The following CARMIL3 variants were observed in gnomAD, a reference collection of about 807,000 sequenced individuals.
The protein encoded by CARMIL3 is capping protein regulator and myosin 1 linker 3.
A neutral mutation model predicts 180.8 loss-of-function variants in CARMIL3; 88 were observed. That is an observed-to-expected ratio of 0.49 (90% CI 0.41 to 0.58). The LOEUF (loss-of-function observed/expected upper bound fraction) is 0.58. Among genes scored for constraint, CARMIL3 ranks in the 20% least tolerant of loss-of-function variants. The pLI is 0.00. For missense variants in CARMIL3, 1,548 were observed against 1,787.0 expected (o/e 0.87, Z 2.41); for synonymous variants, 696 against 714.5 (o/e 0.97, Z 0.41).
In CARMIL3 at chr14:24,063,493, G is replaced by T; in HGVS notation, c.2939G>T (p.Arg980Leu). Residue 980 changes from arginine (R) to leucine (L), a missense_variant, in exon 31 of 40, where the codon CGC (arginine) becomes CTC (leucine). Physicochemically the swap from Arg to Leu is moderately radical, Grantham distance 102. This residue lies in a region of CARMIL3 where 668 missense variants were observed against 687.8 expected (regional missense o/e 0.97). Coordinates refer to ENST00000342740, the MANE Select transcript of CARMIL3 (RefSeq NM_138360.4). ...AGGCATCAAACACAAGGGAGGCCCC[G>T]CCCCCCCAGGACCACACCTCCAGGA... ...KLRHQTQGRP[R>L]PPRTTPPGPG... The T allele has an allele frequency of 6.2e-7, 1 of 1,613,136 alleles. No individual in the cohort carries two copies. The highest frequency in any genetic ancestry group is 8.5e-7 in the Non-Finnish European group (1 of 1,179,896).
chr14:24,060,102 G>A (rs1181329005), intron 23 of CARMIL3, 39 bp downstream of exon 23: 4 of 1,613,736 alleles, frequency 2.5e-6, no homozygotes, highest in African/African-American at 1.3e-5. Flanking sequence ...CACAGCAAGG[G>A]GCAGGGGGCA....
At chr14:24,065,970 G>A (rs2035783178) in intron 34 of CARMIL3, among the ~76,000 whole-genome samples, 1 of 151,850 alleles carries the variant, frequency 6.6e-6, no homozygotes, top group South Asian at 2.1e-4. Context: ...TAAAATGAGG[G>A]GTTATAAAAA....
At chr14:24,056,476 C>T in intron 11 of CARMIL3, 83 bp downstream of exon 11, 1 of 1,491,866 alleles carries the variant, frequency 6.7e-7, no homozygotes, top group Non-Finnish European at 9.3e-7. Flanking sequence ...TGAACAGCAG[C>T]TCTCCAGCCT....
In CARMIL3 at chr14:24,069,518, C is replaced by T. The variant is rs75871902; in HGVS notation, c.*114C>T. 74,021 of 1,400,328 alleles carry T rather than the reference C, an allele frequency of 0.053. 2,840 individuals carry two copies. Among genetic ancestry groups the T allele is most frequent in the African/African-American group, 0.2 (13,907 of 69,974 alleles). The allele number at this position is 1,400,328 out of a possible 1,614,324, so 86.7% of individuals were successfully genotyped here. ...CAGCCCCTGTCCTACAGGGGCAAGACGGCAGGACCAGGCATGGGGGAGCTG... is the reference window on the plus strand; with the variant it reads ...CAGCCCCTGTCCTACAGGGGCAAGATGGCAGGACCAGGCATGGGGGAGCTG... On this transcript the variant is annotated 3_prime_UTR_variant, in exon 40 of 40. Transcript: ENST00000342740.
Position 24,065,204 on chromosome 14 carries a change from C to T in CARMIL3, c.3327C>T (p.Ser1109=). ...SLGNNSSPCW[S]PEEESSLLPG... is the part of the protein sequence containing the mutation. ...GCAATAACTCCTCTCCCTGCTGGAG[C>T]CCAGAGGAGGAGAGCAGCCTCCTCC... is the stretch of plus-strand genomic sequence containing the variant. The change falls in exon 33 of 40, where the codon AGC becomes AGT. Residue 1109 remains serine (S), a synonymous_variant. Transcript: ENST00000342740. 2 of 1,500,144 alleles carry T rather than the reference C, an allele frequency of 1.3e-6. No individual in the cohort carries two copies. The highest frequency in any genetic ancestry group is 1.3e-5 in the South Asian group (1 of 78,886). The allele number at this position is 1,500,144 out of a possible 1,614,324, so 92.9% of individuals were successfully genotyped here. A position where few individuals can be genotyped will look rare whatever the true frequency, so the allele number is the denominator to read the frequency against.
At chr14:24,053,995 C>A in intron 2 of CARMIL3, 93 bp from the exon 3 acceptor site, 1 of 1,427,472 alleles carries the variant, frequency 7.0e-7, no homozygotes. Context: ...GTTGGGGAGA[C>A]ACTCCAAGAG....
rs963367887 is a variant in CARMIL3, at chr14:24,054,718, A to G, written c.370A>G (p.Ile124Val). The change falls in exon 6 of 40, where the codon ATC (isoleucine) becomes GTC (valine). Residue 124 changes from isoleucine to valine, a missense_variant. This residue lies in a region of CARMIL3 where 578 missense variants were observed against 666.5 expected (regional missense o/e 0.87). Transcript: ENST00000342740. The surrounding 1 kb of genome is among the most constrained non-coding windows in gnomAD (Gnocchi z 5.1). ...SKVCPGPGCLIRRGNADTPEG... is the reference protein window; with the variant it reads ...SKVCPGPGCLVRRGNADTPEG... ...GACTTGTTTCTTTTCCAGGTGTTTG[A>G]TCCGGCGTGGAAACGCAGACACCCC... 8.1e-6 allele frequency: 13 copies of G among 1,613,538 alleles called. No individual in the cohort carries two copies. The highest frequency in any genetic ancestry group is 1.1e-5 in the Non-Finnish European group (13 of 1,179,822).
intron 36 of CARMIL3, among the ~76,000 whole-genome samples, chr14:24,068,012 C>T (rs1461835381): frequency 3.3e-5 from 5 of 152,264 alleles, no homozygotes; most frequent in Non-Finnish European, 5.9e-5. Flanking sequence ...GGGCACTGCT[C>T]TGCAAGAGGG....
rs1453221670 is a variant in CARMIL3, at chr14:24,059,541, A to G, written c.1799+99A>G. The G allele has an allele frequency of 1.3e-6, 2 of 1,513,866 alleles. No individual in the cohort carries two copies. Among genetic ancestry groups the G allele is most frequent in the Non-Finnish European group, 1.8e-6 (2 of 1,116,662 alleles). 93.8% of individuals were successfully genotyped at this position (1,513,866 alleles called of 1,614,324 possible). A position where few individuals can be genotyped will look rare whatever the true frequency, so the allele number is the denominator to read the frequency against. ...CTTGATGCTCTGGACCCCAGCTTCC[A>G]GAAGACCCCCAGCCCCAGAACCATC... On this transcript the variant is annotated intron_variant, in intron 21 of 39. Transcript: ENST00000342740. The surrounding 1 kb of genome is among the most constrained non-coding windows in gnomAD (Gnocchi z 6.3).
chr14:24,067,999 G>A (rs912123518), intron 36 of CARMIL3, among the ~76,000 whole-genome samples: 4 of 152,278 alleles, frequency 2.6e-5, no homozygotes, highest in Non-Finnish European at 5.9e-5. Context: ...CAGGAAAGGG[G>A]TTGGGCACTG....
At chr14:24,060,569 C>T (rs2035722330) in intron 24 of CARMIL3, 59 bp from the exon 25 acceptor site, 1 of 1,595,856 alleles carries the variant, frequency 6.3e-7, no homozygotes, top group Non-Finnish European at 8.5e-7. Flanking sequence ...TCTAAGGGGT[C>T]CTACCTGCGA....
At chr14:24,068,142 T>TA (rs1303405447) in intron 36 of CARMIL3, among the ~76,000 whole-genome samples, 3 of 152,228 alleles carry the variant, frequency 2.0e-5, no homozygotes, top group African/African-American at 7.2e-5. Context: ...CTCATGCCTG[T>TA]AATCCCAACA....
Position 24,055,760 on chromosome 14 carries a change from G to A in CARMIL3, c.741G>A (p.Glu247=). 1.2e-6 allele frequency: 2 copies of A among 1,614,094 alleles called. No individual in the cohort carries two copies. Among genetic ancestry groups the A allele is most frequent in the Non-Finnish European group, 1.7e-6 (2 of 1,179,992 alleles). The part of the protein sequence containing the change: ...HTLSKSGSLE[E]LVLDNAGLKT... ...TAAGCAAGTCGGGGAGCCTCGAAGA[G>A]CTGGTGCTGGACAACGCCGGGCTTA... The change falls in exon 10 of 40, where the codon GAG becomes GAA. Residue 247 remains glutamate, a synonymous_variant. Transcript: ENST00000342740.
At chr14:24,053,210 A>G (rs924817561) in intron 1 of CARMIL3, among the ~76,000 whole-genome samples, 1 of 151,698 alleles carries the variant, frequency 6.6e-6, no homozygotes, top group Non-Finnish European at 1.5e-5. Flanking sequence ...ATTCACACTT[A>G]CCTGTCCCCA....
chr14:24,063,573 A>C (rs749288402), intron 31 of CARMIL3, 40 bp downstream of exon 31: 10 of 1,558,610 alleles, frequency 6.4e-6, no homozygotes, highest in Non-Finnish European at 8.7e-6. Flanking sequence ...CCCTTCACTC[A>C]GTGACACCAG....
At chr14:24,052,540 G>C (rs1440601381) in intron 1 of CARMIL3, among the ~76,000 whole-genome samples, 6 of 152,090 alleles carry the variant, frequency 3.9e-5, no homozygotes, top group Non-Finnish European at 5.9e-5. Context: ...CTTCCCCGCC[G>C]GGCGGGGCCA....
chr14:24,064,979 C>T lies in CARMIL3; in HGVS notation c.3102C>T (p.Thr1034=), dbSNP rs138790987. 1,124 of 1,611,974 alleles carry T rather than the reference C, an allele frequency of 7.0e-4. 11 individuals are homozygous for T. The South Asian group carries it at 7.2e-3, about 10-fold the overall frequency. ...ESSSYPRTLR[T]VRPGLSEAPL... ...CCAGCTACCCCCGGACTCTGAGGAC[C>T]GTGCGGCCAGGACTCTCGGAGGCAC... Residue 1034 remains threonine, a synonymous_variant, in exon 33 of 40, where the codon ACC becomes ACT. Coordinates refer to ENST00000342740, the MANE Select transcript of CARMIL3 (RefSeq NM_138360.4).
At chr14:24,052,931 G>A (rs2035632865) in intron 1 of CARMIL3, among the ~76,000 whole-genome samples, 1 of 152,176 alleles carries the variant, frequency 6.6e-6, no homozygotes, top group South Asian at 2.1e-4. Flanking sequence ...CACGCAAAGC[G>A]CAGGATGCTC....
intron 27 of CARMIL3, chr14:24,062,276 G>A (rs1047737996): frequency 3.3e-6 from 2 of 606,036 alleles, no homozygotes; most frequent in African/African-American, 1.9e-5. Context: ...TGGGCTGGGG[G>A]CTCTGGGGTG....
Sources: allele counts gnomAD v4.1 joint callset (sites outside exome capture counted in the v4.1 genomes callset), GRCh38; gene constraint gnomAD v4.1.1; regional missense constraint gnomAD v4.1.1; non-coding constraint Gnocchi (gnomAD v3.1); transcripts MANE v1.5; gene names NCBI Gene and HGNC (gene_info 2026-07-23, HGNC 2026-07-21).